The following DISP3 variants were observed in gnomAD, a reference collection of about 807,000 sequenced individuals.
DISP3 encodes the protein protein dispatched homolog 3.
Under a neutral mutation model 135.3 loss-of-function variants are expected in DISP3, and 101 were observed. That is an observed-to-expected ratio of 0.75 (90% confidence interval 0.64 to 0.88). The LOEUF is 0.88. Ranked by LOEUF, DISP3 falls within the 40% of genes least tolerant of loss-of-function variation. DISP3 has a pLI of 0.00. For missense variants in DISP3, 1,713 were observed against 1,878.6 expected, an observed-to-expected ratio of 0.91 and a Z score of 1.63; for synonymous variants, 856 against 817.0, an observed-to-expected ratio of 1.05 and a Z score of -0.81.
Position 11,501,984 on chromosome 1 carries a change from C to T in DISP3, c.992C>T (p.Ser331Phe). The T allele has an allele frequency of 6.2e-7, 1 of 1,613,894 alleles. No homozygotes were observed. Among genetic ancestry groups the T allele is most frequent in the South Asian group, 1.1e-5 (1 of 91,052 alleles). ...VLKDLPLGSY[S>F]YCSPPSSLMT... Reference sequence around the variant, plus strand: ...AAGGATCTGCCGCTGGGCTCCTACTCCTACTGCTCGCCCCCCAGCTCGCTC... The same window carrying T: ...AAGGATCTGCCGCTGGGCTCCTACTTCTACTGCTCGCCCCCCAGCTCGCTC... The change falls in exon 2 of 21, where the codon TCC (serine) becomes TTC (phenylalanine). Residue 331 changes from serine (S) to phenylalanine (F), a missense_variant. By Grantham distance (155) the Ser-to-Phe change is radical (BLOSUM62 -2). Around this residue, in one of 2 missense-constraint regions of DISP3, gnomAD observed 571 missense variants for 494.1 expected, o/e 1.16. Coordinates refer to ENST00000294484, the MANE Select transcript of DISP3 (RefSeq NM_020780.2). The surrounding 1 kb of genome is among the most constrained non-coding windows in gnomAD (Gnocchi z 4.9).
At chr1:11,497,932 C>G (rs1217493789) in intron 1 of DISP3, among the ~76,000 whole-genome samples, 1 of 152,226 alleles carries the variant, frequency 6.6e-6, no homozygotes, top group Admixed American at 6.5e-5. Context: ...ACTGCCCCCC[C>G]TCCCCAAGGG....
chr1:11,519,870 G>A lies in DISP3; in HGVS notation c.2190G>A (p.Trp730Ter). 1 of 1,607,682 alleles carries A rather than the reference G, an allele frequency of 6.2e-7. No individual in the cohort carries two copies. The highest frequency in any genetic ancestry group is 1.1e-5 in the South Asian group (1 of 90,880). The change falls in exon 9 of 21, where the codon TGG (tryptophan) becomes TGA (stop). Residue 730 changes from tryptophan (W) to a stop codon, truncating the protein, a stop_gained. Transcript: ENST00000294484. LOFTEE classifies it high-confidence loss of function. The surrounding 1 kb of genome is among the most constrained non-coding windows in gnomAD (Gnocchi z 4.3). The stretch of plus-strand genomic sequence containing the variant: ...TGTGGTCAGCCGTCAAGAGCCGCTG[G>A]GTGATTGTGGGTAAGTGGGCCCTCC... ...WVLWSAVKSR[W>*]VIVGLFVSIL...
At chr1:11,484,542 G>A (rs963691550) in intron 1 of DISP3, among the ~76,000 whole-genome samples, 2 of 152,232 alleles carry the variant, frequency 1.3e-5, no homozygotes, top group Admixed American at 6.5e-5. Context: ...GAAGTGTAAG[G>A]TCTGGGTATG....
In DISP3 at chr1:11,529,691, G is replaced by A. The variant is rs757675983; in HGVS notation, c.2929+5G>A. On this transcript the variant is annotated splice_donor_5th_base_variant and intron_variant, in intron 14 of 20. Coordinates refer to ENST00000294484, the MANE Select transcript of DISP3 (RefSeq NM_020780.2). This position sits in a 1 kb window ranked among gnomAD's most constrained non-coding sequence, Gnocchi z 4.7. Reference sequence around the variant, plus strand: ...TCTTCGTGCCTAGTGAGAAAGGTACGGCAAGGGCACACAGGTGGGGACCTC... The same window carrying A: ...TCTTCGTGCCTAGTGAGAAAGGTACAGCAAGGGCACACAGGTGGGGACCTC... 3.7e-6 allele frequency: 6 copies of A among 1,603,658 alleles called. No individual in the cohort carries two copies. Among genetic ancestry groups the A allele is most frequent in the Middle Eastern group, 3.3e-4 (2 of 6,028 alleles).
intron 1 of DISP3, among the ~76,000 whole-genome samples, chr1:11,484,611 C>T (rs945774612): frequency 1.4e-4 from 22 of 152,304 alleles, no homozygotes; most frequent in Middle Eastern, 3.4e-3. Flanking sequence ...GCAGAACTCC[C>T]GGCATGCCCT....
At chr1:11,490,122 G>A (rs1027627451) in intron 1 of DISP3, among the ~76,000 whole-genome samples, 1 of 152,108 alleles carries the variant, frequency 6.6e-6, no homozygotes, top group African/African-American at 2.4e-5. Flanking sequence ...TGGGAGAGAT[G>A]TCGGGGGTGG....
Position 11,531,715 on chromosome 1 carries a change from GC to G in DISP3, c.3375+8del. On this transcript the variant is annotated splice_donor_region_variant and intron_variant, in intron 17 of 20. Coordinates refer to ENST00000294484, the MANE Select transcript of DISP3 (RefSeq NM_020780.2). This position sits in a 1 kb window ranked among gnomAD's most constrained non-coding sequence, Gnocchi z 5.2. ...ATCTCCATGGCTTTCGAGTCGGTGA[GC>G]CCAGGCAGCCTCACTGGGTGCCATG... The G allele has an allele frequency of 1.3e-6, 2 of 1,590,446 alleles. No homozygotes were observed. Among genetic ancestry groups the G allele is most frequent in the Non-Finnish European group, 1.7e-6 (2 of 1,167,536 alleles).
chr1:11,493,776 C>T (rs543558526), intron 1 of DISP3, among the ~76,000 whole-genome samples: 1 of 152,240 alleles, frequency 6.6e-6, no homozygotes, highest in East Asian at 1.9e-4. Context: ...CACACACACC[C>T]AGAATCATGT....
intron 1 of DISP3, among the ~76,000 whole-genome samples, chr1:11,489,242 G>A (rs74055707): frequency 6.1e-4 from 93 of 152,346 alleles, no homozygotes; most frequent in Middle Eastern, 3.4e-3. Flanking sequence ...GTTTGAGCAC[G>A]TTTAGCTTCT....
intron 3 of DISP3, among the ~76,000 whole-genome samples, chr1:11,512,666 T>A (rs1570108138): frequency 6.6e-6 from 1 of 152,186 alleles, no homozygotes; most frequent in East Asian, 1.9e-4. Context: ...ACTGTTCCAA[T>A]CTCTGCCTGT....
chr1:11,512,955 T>C (rs1383930691), intron 3 of DISP3, among the ~76,000 whole-genome samples: 4 of 152,046 alleles, frequency 2.6e-5, no homozygotes, highest in African/African-American at 9.7e-5. Flanking sequence ...TCAGATCTCG[T>C]GAGACTTATT....
chr1:11,487,546 C>T (rs1232960331), intron 1 of DISP3, among the ~76,000 whole-genome samples: 1 of 152,236 alleles, frequency 6.6e-6, no homozygotes, highest in African/African-American at 2.4e-5. Flanking sequence ...GCATCATTCC[C>T]GCTGTCACCA....
At chr1:11,492,546 C>T (rs1641218825) in intron 1 of DISP3, among the ~76,000 whole-genome samples, 2 of 152,196 alleles carry the variant, frequency 1.3e-5, no homozygotes, top group East Asian at 1.9e-4. Flanking sequence ...AGCCCCCACC[C>T]GATTCCTCTC....
At chr1:11,522,320 G>C (rs958790105) in intron 10 of DISP3, among the ~76,000 whole-genome samples, 20 of 152,104 alleles carry the variant, frequency 1.3e-4, no homozygotes, top group Admixed American at 2.6e-4. Flanking sequence ...CCTTCCCCTT[G>C]GTAATGGCAG....
intron 18 of DISP3, 100 bp from the exon 19 acceptor site, chr1:11,534,911 G>A (rs780905911): frequency 2.8e-6 from 3 of 1,061,736 alleles, no homozygotes; most frequent in South Asian, 1.3e-5. Context: ...TTTACAGACT[G>A]GGAGTCGGAG....
intron 19 of DISP3, 66 bp downstream of exon 19, chr1:11,535,190 GC>G: frequency 2.8e-6 from 4 of 1,421,964 alleles, no homozygotes; most frequent in Non-Finnish European, 1.9e-6. Context: ...CTCCCCGGTG[GC>G]CCCAGGTAGC....
chr1:11,512,287 C>T (rs900203091), intron 3 of DISP3, among the ~76,000 whole-genome samples: 1 of 152,072 alleles, frequency 6.6e-6, no homozygotes, highest in African/African-American at 2.4e-5. Context: ...TGTCAGGCTG[C>T]AAATTTTCCA....
At chr1:11,515,220 G>T in intron 4 of DISP3, 149 bp from the exon 5 acceptor site, 2 of 1,169,898 alleles carry the variant, frequency 1.7e-6, no homozygotes, top group South Asian at 1.6e-5. Flanking sequence ...AAACAGAATT[G>T]GCCCTGTGCC....
rs1642126007 is a variant in DISP3 at position 11,519,765 on chromosome 1, G to A, written c.2085G>A (p.Glu695=). ...GDVSLVSVSP[E]GLQPASNTGS... ...TGTCCCTGGTGTCTGTGTCCCCCGA[G>A]GGTCTGCAGCCAGCCTCCAACACGG... Residue 695 remains glutamate (E), a synonymous_variant, in exon 9 of 21, where the codon GAG becomes GAA. Transcript: ENST00000294484. This position sits in a 1 kb window ranked among gnomAD's most constrained non-coding sequence, Gnocchi z 4.3. 2 of 1,613,064 alleles carry A rather than the reference G, an allele frequency of 1.2e-6. No homozygotes were observed. Among genetic ancestry groups the A allele is most frequent in the African/African-American group, 1.3e-5 (1 of 74,936 alleles).
Sources: gnomAD v4.1 joint callset for allele counts (sites outside exome capture counted in the v4.1 genomes callset) on GRCh38, gnomAD v4.1.1 for gene constraint, gnomAD v4.1.1 regional missense constraint, Gnocchi (gnomAD v3.1) non-coding constraint, MANE v1.5 for transcripts, NCBI Gene and HGNC (gene_info 2026-07-23, HGNC 2026-07-21) for gene names.